The following WLS variants were observed in gnomAD, a reference collection of about 807,000 sequenced individuals.
WLS encodes protein wntless homolog.
WLS carries 23 observed loss-of-function variants against 62.8 expected under a neutral mutation model. The ratio of observed to expected loss-of-function variants is 0.37; its 90% confidence interval spans 0.26 to 0.52. WLS has a LOEUF of 0.52. WLS is among the 20% of genes least tolerant of loss of function. WLS has a pLI of 0.92. For synonymous variants in WLS, 246 were observed against 244.1 expected (o/e 1.01, Z -0.07); for missense variants, 615 against 697.3 (o/e 0.88, Z 1.33).
chr1:68,181,846 C>A (rs1378510356), intron 2 of WLS, among the ~76,000 whole-genome samples: 2 of 152,166 alleles, frequency 1.3e-5, no homozygotes, highest in Non-Finnish European at 2.9e-5. Context: ...TTCAAAAATG[C>A]ATATAAGCAA....
At chr1:68,171,175 C>T (rs927582491) in intron 2 of WLS, among the ~76,000 whole-genome samples, 3 of 152,064 alleles carry the variant, frequency 2.0e-5, no homozygotes, top group South Asian at 2.1e-4. Context: ...CTGGTGTCCT[C>T]GCACAAGATT....
chr1:68,198,885 G>C (rs1390995600), intron 1 of WLS, among the ~76,000 whole-genome samples: 4 of 152,144 alleles, frequency 2.6e-5, no homozygotes, highest in African/African-American at 7.2e-5. Context: ...GACTAAACCT[G>C]TAGTACTTCT....
chr1:68,227,268 AT>A, intron 1 of WLS, among the ~76,000 whole-genome samples: 1 of 151,960 alleles, frequency 6.6e-6, no homozygotes. Context: ...AAATACAACA[AT>A]TAGCTGGGCG....
chr1:68,196,842 T>C (rs1326758639), intron 1 of WLS, among the ~76,000 whole-genome samples: 1 of 152,120 alleles, frequency 6.6e-6, no homozygotes, highest in East Asian at 1.9e-4. Context: ...ATCTGACTTA[T>C]TCTTAGAAAT....
At chr1:68,169,875 T>C (rs1647120505) in intron 2 of WLS, among the ~76,000 whole-genome samples, 1 of 152,198 alleles carries the variant, frequency 6.6e-6, no homozygotes, top group Admixed American at 6.5e-5. Flanking sequence ...CTACCCCTTC[T>C]ACCTAGGTTG....
At chr1:68,166,068 A>G (rs151336939) in intron 2 of WLS, among the ~76,000 whole-genome samples, 4 of 152,316 alleles carry the variant, frequency 2.6e-5, no homozygotes, top group African/African-American at 9.6e-5. Flanking sequence ...GCGGTTTAAA[A>G]TGAAAATTGT....
chr1:68,110,342 T>C (rs1173164400), intron 11 of WLS, among the ~76,000 whole-genome samples: 2 of 152,044 alleles, frequency 1.3e-5, no homozygotes, highest in African/African-American at 4.8e-5. Flanking sequence ...AAAATATAAC[T>C]TGTGAAACCA....
At chr1:68,225,916 C>A (rs1050725134) in intron 1 of WLS, among the ~76,000 whole-genome samples, 6 of 152,162 alleles carry the variant, frequency 3.9e-5, no homozygotes, top group African/African-American at 9.7e-5. Flanking sequence ...GTAGCAGAAT[C>A]TCAAACATTT....
chr1:68,182,965 A>C (rs1647674811), intron 2 of WLS, among the ~76,000 whole-genome samples: 1 of 152,132 alleles, frequency 6.6e-6, no homozygotes, highest in Non-Finnish European at 1.5e-5. Flanking sequence ...CAGTGGTGCG[A>C]TCTCGGCTTG....
At chr1:68,186,500 T>C (rs1409783414) in intron 2 of WLS, 4 of 391,016 alleles carry the variant, frequency 1.0e-5, no homozygotes, top group South Asian at 3.7e-5. Flanking sequence ...CCACGAAAAG[T>C]TAAAAAAAAA....
At chr1:68,100,895 C>CATGCAT (rs1646068541) in intron 11 of WLS, 1 of 152,224 alleles carries the variant, frequency 6.6e-6, no homozygotes, top group Non-Finnish European at 1.5e-5. Context: ...CCACCATGAA[C>CATGCAT]ATGGGACACA....
chr1:68,148,111 C>A (rs112690441), intron 8 of WLS, 25 bp downstream of exon 8: 15 of 1,613,790 alleles, frequency 9.3e-6, no homozygotes, highest in African/African-American at 1.3e-5. Context: ...AGAAATAAAA[C>A]CCTGAGCCCA....
intron 1 of WLS, among the ~76,000 whole-genome samples, chr1:68,196,304 G>A (rs1478103712): frequency 2.0e-5 from 3 of 151,812 alleles, no homozygotes; most frequent in Non-Finnish European, 4.4e-5. Flanking sequence ...TTCTTTATGT[G>A]GGTCCTACTA....
At chr1:68,168,901 T>C (rs2566756) in intron 2 of WLS, among the ~76,000 whole-genome samples, 151,413 of 152,340 alleles carry the variant, frequency 0.99, 75,252 homozygotes, top group Middle Eastern at 1. Flanking sequence ...CAACCCTGTC[T>C]TATACATGGT....
intron 1 of WLS, among the ~76,000 whole-genome samples, chr1:68,218,768 C>A (rs962562694): frequency 2.0e-5 from 3 of 152,138 alleles, no homozygotes; most frequent in African/African-American, 4.8e-5. Context: ...AAGGAATGTG[C>A]GAATGAATTC....
At chr1:68,148,323 T>C in intron 7 of WLS, 124 bp from the exon 8 acceptor site, 1 of 1,069,016 alleles carries the variant, frequency 9.4e-7, no homozygotes, top group East Asian at 2.4e-5. Context: ...CTAAAAAACA[T>C]TACAGAAATC....
chr1:68,224,055 C>T (rs767468065), intron 1 of WLS, among the ~76,000 whole-genome samples: 23 of 152,324 alleles, frequency 1.5e-4, no homozygotes, highest in Middle Eastern at 6.8e-3. Context: ...CTTTCAATTA[C>T]CTCTGCTTTC....
intron 11 of WLS, among the ~76,000 whole-genome samples, chr1:68,109,621 ACAG>A (rs1557445338): frequency 1.3e-5 from 2 of 152,352 alleles, no homozygotes; most frequent in African/African-American, 4.8e-5. Context: ...TGTTATTAAA[ACAG>A]CAGAGGAAAG....
At chr1:68,121,107 C>T (rs1027758104), downstream of WLS, 4 of 152,112 alleles carry the variant, frequency 2.6e-5, no homozygotes, top group African/African-American at 9.7e-5. Context: ...TTTTAAAAAT[C>T]CTGTACCATT....
Sources: allele counts gnomAD v4.1 joint callset (sites outside exome capture counted in the v4.1 genomes callset), GRCh38; gene constraint gnomAD v4.1.1; transcripts MANE v1.5; gene names NCBI Gene and HGNC (gene_info 2026-07-23, HGNC 2026-07-21).